Variants in B4GALNT2 observed in about 807,000 individuals in gnomAD.
B4GALNT2 encodes the protein N-acetylneuraminylgalactosylglucosyl-glucoside beta-1,4-N- acetylgalactosaminyltransferase 2.
In B4GALNT2, 42 loss-of-function variants were observed where a neutral mutation model predicts 51.1. The observed-to-expected ratio is 0.82, with a 90% CI of 0.64 to 1.06. B4GALNT2 has a LOEUF of 1.06. Ranked by LOEUF, B4GALNT2 falls within the 50% of genes least tolerant of loss-of-function variation. The pLI, the probability that B4GALNT2 is intolerant of heterozygous loss-of-function variation, is 0.00. For synonymous variants in B4GALNT2, 253 were observed against 251.7 expected, an observed-to-expected ratio of 1.01 and a Z score of -0.05; for missense variants, 602 against 633.6, an observed-to-expected ratio of 0.95 and a Z score of 0.54.
At position 49,171,131 on chromosome 17, in the gene B4GALNT2, G is replaced by C. The variant is rs9895959; in HGVS notation, c.*1403G>C. ...CAGTTTTGGGGCCAGTTTATGGCCA[G>C]ATTTGGGGGCCTGTTCCCAACACGT... On this transcript the variant is annotated 3_prime_UTR_variant, in exon 11 of 11. Coordinates refer to ENST00000393354, the MANE Select transcript of B4GALNT2 (RefSeq NM_001159387.2). 1,594 of 211,506 alleles carry C rather than the reference G, an allele frequency of 7.5e-3. 35 individuals carry two copies. Among genetic ancestry groups the C allele is most frequent in the African/African-American group, 0.035 (1,470 of 41,940 alleles). 13.1% of individuals were successfully genotyped at this position (211,506 alleles called of 1,614,324 possible).
chr17:49,144,901 T>C (rs987891404), intron 3 of B4GALNT2, among the ~76,000 whole-genome samples: 2 of 152,194 alleles, frequency 1.3e-5, no homozygotes, highest in Non-Finnish European at 2.9e-5. Context: ...CTGAAGAAGC[T>C]GGAGTCCAAT....
At chr17:49,121,056 T>C in the B4GALNT2 span, among the ~76,000 whole-genome samples, 30 of 152,194 alleles carry the variant, frequency 2.0e-4, no homozygotes, top group Non-Finnish European at 3.5e-4. Flanking sequence ...CCTCATCTTT[T>C]TCCTTTCAAC....
chr17:49,169,223 C>T (rs1598219128), intron 10 of B4GALNT2, among the ~76,000 whole-genome samples: 1 of 151,998 alleles, frequency 6.6e-6, no homozygotes, highest in Non-Finnish European at 1.5e-5. Flanking sequence ...ATTAACTGCT[C>T]TCTCTTTCCC....
At chr17:49,143,228 A>C (rs1323934319) in intron 3 of B4GALNT2, among the ~76,000 whole-genome samples, 1 of 152,120 alleles carries the variant, frequency 6.6e-6, no homozygotes, top group African/African-American at 2.4e-5. Context: ...CAACCTGAGC[A>C]ACAGAGCAAG....
In B4GALNT2 at chr17:49,135,346, CTT is replaced by C. The variant is rs112479042; in HGVS notation, c.14+2553_14+2554del. Reference sequence around the variant, plus strand: ...CTTTAGTAGTAATATAGCTATCCTTCTTTTTTTTTTTTTTGACGGAGTTTCAC... The same window carrying C: ...CTTTAGTAGTAATATAGCTATCCTTCTTTTTTTTTTTTGACGGAGTTTCAC... On this transcript the variant is annotated intron_variant, in intron 1 of 10. Coordinates refer to ENST00000393354, the MANE Select transcript of B4GALNT2 (RefSeq NM_001159387.2). Among the ~76,000 whole-genome samples the C allele has an allele frequency of 1.1e-3, 155 of 142,986 alleles. 2 individuals are homozygous for C. Among genetic ancestry groups the C allele is most frequent in the African/African-American group, 2.7e-3 (105 of 39,300 alleles). 93.8% of individuals were successfully genotyped at this position (142,986 alleles called of 152,430 possible).
At chr17:49,122,751 T>C in the B4GALNT2 span, among the ~76,000 whole-genome samples, 1 of 152,216 alleles carries the variant, frequency 6.6e-6, no homozygotes, top group Non-Finnish European at 1.5e-5. Flanking sequence ...TTACTTTTTG[T>C]TAGTAACCAT....
Position 49,141,423 on chromosome 17 carries a change from A to G in B4GALNT2, c.191A>G (p.Asn64Ser), listed in dbSNP as rs2042642928. Residue 64 changes from asparagine to serine, a missense_variant, in exon 2 of 11, where the codon AAC becomes AGC. Transcript: ENST00000393354. ...LKLLPEERLR[N>S]LFSYDGIWLF... is the part of the protein sequence containing the mutation. ...CTTCTGCCTGAGGAACGTCTCAGGAACCTCTTTTCCTACGATGGAATCTGG... is the reference window on the plus strand; with the variant it reads ...CTTCTGCCTGAGGAACGTCTCAGGAGCCTCTTTTCCTACGATGGAATCTGG... 4 of 1,613,858 alleles carry G rather than the reference A, an allele frequency of 2.5e-6. No homozygotes were observed. The East Asian group carries it at 8.9e-5, about 36-fold the overall frequency.
chr17:49,166,473 C>T (rs989109614), intron 9 of B4GALNT2, among the ~76,000 whole-genome samples: 1 of 152,108 alleles, frequency 6.6e-6, no homozygotes, highest in Non-Finnish European at 1.5e-5. Context: ...GAGTAAATTA[C>T]ACCTCCTCCC....
Position 49,170,984 on chromosome 17 carries a change from G to A in B4GALNT2, c.*1256G>A, listed in dbSNP as rs182483130. ...TTTGTGGCTTAGGAATGCTTTAAGC[G>A]GTTTTCCACCCTGGGTGGGCCAGGT... On this transcript the variant is annotated 3_prime_UTR_variant, in exon 11 of 11. Transcript: ENST00000393354. The A allele has an allele frequency of 5.2e-4, 81 of 154,804 alleles. No homozygotes were observed. In the East Asian group the frequency reaches 0.013, roughly 25 times the overall value. 9.6% of individuals were successfully genotyped at this position (154,804 alleles called of 1,614,324 possible). A position where few individuals can be genotyped will look rare whatever the true frequency, so the allele number is the denominator to read the frequency against.
Position 49,148,773 on chromosome 17 carries a change from T to C in B4GALNT2, c.354-4027T>C, listed in dbSNP as rs2042721693. Reference sequence around the variant, plus strand: ...GACTCCCTCCTTTAAAAGGAGTTCATAGGGCTGGGTGCGGTAGCTCACACC... The same window carrying C: ...GACTCCCTCCTTTAAAAGGAGTTCACAGGGCTGGGTGCGGTAGCTCACACC... On this transcript the variant is annotated intron_variant, in intron 3 of 10. Transcript: ENST00000393354. 6.0e-6 allele frequency: 3 copies of C among 497,708 alleles called. No homozygotes were observed. In the East Asian group the frequency reaches 1.1e-4, roughly 18 times the overall value. The allele number at this position is 497,708 out of a possible 1,614,324, so 30.8% of individuals were successfully genotyped here. A position where few individuals can be genotyped will look rare whatever the true frequency, so the allele number is the denominator to read the frequency against.
At chr17:49,154,089 C>T (rs2042785268) in intron 4 of B4GALNT2, among the ~76,000 whole-genome samples, 1 of 151,772 alleles carries the variant, frequency 6.6e-6, no homozygotes, top group Admixed American at 6.6e-5. Flanking sequence ...CTGCAACCTC[C>T]TCCTCCTGGG....
At chr17:49,150,459 T>C (rs1393319584) in intron 3 of B4GALNT2, among the ~76,000 whole-genome samples, 1 of 152,028 alleles carries the variant, frequency 6.6e-6, no homozygotes, top group Admixed American at 6.5e-5. Flanking sequence ...ATGATGACAA[T>C]GGCGGTTTTG....
intron 4 of B4GALNT2, among the ~76,000 whole-genome samples, chr17:49,155,218 A>G (rs568794014): frequency 6.0e-4 from 86 of 143,772 alleles, no homozygotes; most frequent in Non-Finnish European, 1.2e-3. Flanking sequence ...GAATTGCTTG[A>G]TCCTGGGAGG....
At chr17:49,161,900 T>C (rs1481398828) in intron 7 of B4GALNT2, among the ~76,000 whole-genome samples, 1 of 151,446 alleles carries the variant, frequency 6.6e-6, no homozygotes, top group Non-Finnish European at 1.5e-5. Context: ...AAAAACATTC[T>C]TAGGGTATAA....
At chr17:49,131,005 C>A (rs1320727596), upstream of B4GALNT2, among the ~76,000 whole-genome samples, 1 of 152,210 alleles carries the variant, frequency 6.6e-6, no homozygotes, top group African/African-American at 2.4e-5. Flanking sequence ...AGGGAGCCAG[C>A]ACTGGCTTTA....
At chr17:49,140,821 C>T (rs961265672) in intron 1 of B4GALNT2, among the ~76,000 whole-genome samples, 7 of 149,210 alleles carry the variant, frequency 4.7e-5, no homozygotes, top group East Asian at 4.0e-4. Flanking sequence ...CGGGTTCAAG[C>T]GATTCTCCTG....
At position 49,140,162 on chromosome 17, in the gene B4GALNT2, G is replaced by A. The variant is rs188455066; in HGVS notation, c.15-1085G>A. 1.8e-3 allele frequency among the ~76,000 whole-genome samples: 269 copies of A among 151,120 alleles called. 4 individuals carry two copies. The highest frequency in any genetic ancestry group is 5.8e-3 in the African/African-American group (238 of 41,186). On this transcript the variant is annotated intron_variant, in intron 1 of 10. Coordinates refer to ENST00000393354, the MANE Select transcript of B4GALNT2 (RefSeq NM_001159387.2). ...CTTGCCCAGGCTGGAGTGCAGTGGC[G>A]TGATCTCAGCTCACTGCGACCTCCG...
intron 9 of B4GALNT2, among the ~76,000 whole-genome samples, chr17:49,168,318 C>T (rs971819835): frequency 2.6e-5 from 4 of 152,154 alleles, no homozygotes; most frequent in East Asian, 1.9e-4. Context: ...GTGGAAACTC[C>T]GCAAATGGAC....
At chr17:49,164,856 C>T (rs112737176) in intron 8 of B4GALNT2, among the ~76,000 whole-genome samples, 5,039 of 152,120 alleles carry the variant, frequency 0.033, 284 homozygotes, top group African/African-American at 0.12. Flanking sequence ...GTCACCTAGG[C>T]TGGAGTGCAG....
Sources: gnomAD v4.1 joint callset for allele counts (sites outside exome capture counted in the v4.1 genomes callset) on GRCh38, gnomAD v4.1.1 for gene constraint, MANE v1.5 for transcripts, NCBI Gene and HGNC (gene_info 2026-07-23, HGNC 2026-07-21) for gene names.